RPS6KA2: variants seen among roughly 807,000 people sequenced by gnomAD.
The protein encoded by RPS6KA2 is ribosomal protein S6 kinase alpha-2.
Under a neutral mutation model 91.8 loss-of-function variants are expected in RPS6KA2, and 42 were observed. The ratio of observed to expected loss-of-function variants is 0.46; its 90% CI spans 0.36 to 0.59. RPS6KA2 has a LOEUF of 0.59. Among genes scored for constraint, RPS6KA2 ranks in the 20% least tolerant of loss-of-function variants. The pLI is 0.00. For missense variants in RPS6KA2, 798 were observed against 978.5 expected (o/e 0.82, Z 2.46); for synonymous variants, 414 against 393.6 (o/e 1.05, Z -0.61).
At chr6:166,507,645 G>A (rs1014462062) in intron 5 of RPS6KA2, among the ~76,000 whole-genome samples, 4 of 142,664 alleles carry the variant, frequency 2.8e-5, no homozygotes, top group African/African-American at 7.9e-5. Context: ...CACACACCAC[G>A]CACACCAACC....
At chr6:166,477,243 G>A (rs1430993318) in intron 10 of RPS6KA2, among the ~76,000 whole-genome samples, 1 of 152,172 alleles carries the variant, frequency 6.6e-6, no homozygotes, top group African/African-American at 2.4e-5. Flanking sequence ...ACAGCTCCTC[G>A]AAAGCTTGAT....
intron 2 of RPS6KA2, among the ~76,000 whole-genome samples, chr6:166,679,202 C>T (rs1258754556): frequency 6.6e-6 from 1 of 151,906 alleles, no homozygotes. Context: ...GCCTATAATC[C>T]CAGCACTTTG....
chr6:166,656,307 A>G (rs1429366778), intron 2 of RPS6KA2, among the ~76,000 whole-genome samples: 5 of 152,208 alleles, frequency 3.3e-5, no homozygotes. Context: ...GAAGAAGAAG[A>G]AGGGGGAGGA....
chr6:166,763,597 A>C (rs1778228449), intron 2 of RPS6KA2, among the ~76,000 whole-genome samples: 2 of 152,262 alleles, frequency 1.3e-5, no homozygotes, highest in Middle Eastern at 3.2e-3. Context: ...GGAGCAAGGA[A>C]GGGAACCTTG....
chr6:166,587,826 C>A (rs1785231440), intron 1 of RPS6KA2, among the ~76,000 whole-genome samples: 1 of 152,184 alleles, frequency 6.6e-6, no homozygotes, highest in Non-Finnish European at 1.5e-5. Flanking sequence ...CTGCTGGCTG[C>A]TGTCATTCAT....
intron 1 of RPS6KA2, among the ~76,000 whole-genome samples, chr6:166,615,761 G>T (rs1428799608): frequency 1.3e-5 from 2 of 152,178 alleles, no homozygotes; most frequent in Non-Finnish European, 2.9e-5. Context: ...TTGAACATCA[G>T]AGAGGGAGAG....
At chr6:166,527,035 G>A (rs764074739) in intron 3 of RPS6KA2, among the ~76,000 whole-genome samples, 27 of 152,226 alleles carry the variant, frequency 1.8e-4, no homozygotes, top group South Asian at 6.2e-4. Flanking sequence ...ATAAACAGCC[G>A]TGGATACTTG....
At chr6:166,771,422 G>A (rs767873835) in intron 2 of RPS6KA2, among the ~76,000 whole-genome samples, 4 of 152,156 alleles carry the variant, frequency 2.6e-5, no homozygotes, top group Admixed American at 1.3e-4. Flanking sequence ...ACCCGGAAGC[G>A]CGTGTGTCTA....
chr6:166,674,751 C>A (rs1464824373), intron 2 of RPS6KA2, among the ~76,000 whole-genome samples: 1 of 152,194 alleles, frequency 6.6e-6, no homozygotes, highest in Non-Finnish European at 1.5e-5. Flanking sequence ...TTGCTGCAAC[C>A]TCCGCCTCCC....
chr6:166,495,738 CAAT>C lies in RPS6KA2; in HGVS notation c.747+2767_747+2769del, dbSNP rs748343186. On this transcript the variant is annotated intron_variant, in intron 8 of 20. Transcript: ENST00000265678. The surrounding 1 kb of genome is among the most constrained non-coding windows in gnomAD (Gnocchi z 4.4). ...AGACACTCACAGAGACAGACAACGA[CAAT>C]AAAAGATGGCAGACGTTAGAGCAGT... Among the ~76,000 whole-genome samples, 16 of 152,186 alleles carry C rather than the reference CAAT, an allele frequency of 1.1e-4. No individual in the cohort carries two copies. The highest frequency in any genetic ancestry group is 2.2e-4 in the Non-Finnish European group (15 of 68,040).
At position 166,825,367 on chromosome 6, in the gene RPS6KA2, C is replaced by T. The variant is rs531728429; in HGVS notation, c.123+32833G>A. Among the ~76,000 whole-genome samples the T allele has an allele frequency of 4.6e-5, 7 of 152,288 alleles. No individual in the cohort carries two copies. Among genetic ancestry groups the T allele is most frequent in the Admixed American group, 2.0e-4 (3 of 15,310 alleles). ...ACTTTAACCTCTCATTCCCAGGTAA[C>T]GCCTGGAGTTGAGGAAGAACTCGGG... is the stretch of plus-strand genomic sequence containing the variant. On this transcript the variant is annotated intron_variant, in intron 2 of 21. Coordinates refer to the RPS6KA2 transcript ENST00000503859. This position sits in a 1 kb window ranked among gnomAD's most constrained non-coding sequence, Gnocchi z 4.1.
At chr6:166,590,583 C>T (rs1049696415) in intron 1 of RPS6KA2, among the ~76,000 whole-genome samples, 10 of 152,124 alleles carry the variant, frequency 6.6e-5, no homozygotes. Flanking sequence ...ACAGGGGATT[C>T]GTGTGGAATG....
chr6:166,793,645 C>T (rs1583126155), intron 2 of RPS6KA2, among the ~76,000 whole-genome samples: 4 of 152,066 alleles, frequency 2.6e-5, no homozygotes, highest in African/African-American at 9.7e-5. Context: ...GGTACTGGTA[C>T]CAAAACAGAG....
intron 2 of RPS6KA2, among the ~76,000 whole-genome samples, chr6:166,824,292 C>A (rs1779979268): frequency 6.6e-6 from 1 of 152,164 alleles, no homozygotes; most frequent in South Asian, 2.1e-4. Context: ...ATGGACCAAC[C>A]AGTACTGGAC....
At chr6:166,543,228 C>G (rs1214979597) in intron 1 of RPS6KA2, among the ~76,000 whole-genome samples, 1 of 152,164 alleles carries the variant, frequency 6.6e-6, no homozygotes, top group Non-Finnish European at 1.5e-5. Context: ...AAGTCATTCT[C>G]TCAAGGCACA....
intron 2 of RPS6KA2, among the ~76,000 whole-genome samples, chr6:166,670,819 GTTAT>G (rs1279128741): frequency 2.6e-5 from 4 of 152,068 alleles, no homozygotes; most frequent in African/African-American, 7.2e-5. Flanking sequence ...TGTCCAACAC[GTTAT>G]TTATTTATTT....
Position 166,635,702 on chromosome 6 carries a change from T to C in RPS6KA2, c.124-96918A>G, listed in dbSNP as rs1328575917. ...AGCCCGGGAGGCTTTGGCAGGAGGA[T>C]GCCATGAGCATCACCTGGGTGTGTC... On this transcript the variant is annotated intron_variant, in intron 2 of 21. Coordinates refer to the RPS6KA2 transcript ENST00000503859. This position sits in a 1 kb window ranked among gnomAD's most constrained non-coding sequence, Gnocchi z 4.8. Among the ~76,000 whole-genome samples the C allele has an allele frequency of 6.6e-6, 1 of 152,036 alleles. No individual in the cohort carries two copies. Among genetic ancestry groups the C allele is most frequent in the African/African-American group, 2.4e-5 (1 of 41,396 alleles).
intron 2 of RPS6KA2, among the ~76,000 whole-genome samples, chr6:166,759,305 T>C (rs574966370): frequency 6.6e-6 from 1 of 152,318 alleles, no homozygotes; most frequent in South Asian, 2.1e-4. Flanking sequence ...CACATTTTTT[T>C]CTATTCTGGA....
At chr6:166,720,606 A>C (rs1790145584) in intron 2 of RPS6KA2, among the ~76,000 whole-genome samples, 1 of 152,238 alleles carries the variant, frequency 6.6e-6, no homozygotes, top group Admixed American at 6.5e-5. Context: ...AGAAACTAGC[A>C]CTAAATAATT....
Sources: allele counts gnomAD v4.1 joint callset (sites outside exome capture counted in the v4.1 genomes callset), GRCh38; gene constraint gnomAD v4.1.1; non-coding constraint Gnocchi (gnomAD v3.1); transcripts MANE v1.5; gene names NCBI Gene and HGNC (gene_info 2026-07-23, HGNC 2026-07-21).